ST7: variants seen among roughly 807,000 people sequenced by gnomAD.
The protein encoded by ST7 is suppressor of tumorigenicity 7 protein.
Under a neutral mutation model 78.7 loss-of-function variants are expected in ST7, and 28 were observed. The ratio of observed to expected loss-of-function variants is 0.36; its 90% confidence interval spans 0.26 to 0.49. The LOEUF (loss-of-function observed/expected upper bound fraction) is 0.49, where lower values mean the gene tolerates loss of function less well. Ranked by LOEUF, ST7 falls within the 20% of genes least tolerant of loss-of-function variation. The probability of loss-of-function intolerance (pLI) is 0.99; values close to 1 mark genes in which losing one functional copy is unlikely to be tolerated. For missense variants in ST7, 418 were observed against 696.0 expected (o/e 0.60, Z 4.49); for synonymous variants, 247 against 249.6 (o/e 0.99, Z 0.10).
chr7:117,142,859 C>A (rs1361366012), intron 9 of ST7, among the ~76,000 whole-genome samples: 1 of 152,114 alleles, frequency 6.6e-6, no homozygotes, highest in Non-Finnish European at 1.5e-5. Context: ...ATCCACCTGC[C>A]TCGGCCTCCC....
chr7:117,136,030 T>G (rs555849640), intron 7 of ST7, 51 bp from the exon 8 acceptor site: 1 of 1,596,188 alleles, frequency 6.3e-7, no homozygotes, highest in African/African-American at 1.3e-5. Flanking sequence ...TACAGTCTAT[T>G]ACCATGTCCT....
intron 15 of ST7, among the ~76,000 whole-genome samples, chr7:117,226,899 G>T (rs1457567713): frequency 6.6e-6 from 1 of 152,176 alleles, no homozygotes; most frequent in African/African-American, 2.4e-5. Flanking sequence ...AAGCATTGGG[G>T]CTTCGTATTC....
chr7:117,197,211 A>T (rs1423588474), intron 12 of ST7, among the ~76,000 whole-genome samples: 2 of 152,116 alleles, frequency 1.3e-5, no homozygotes, highest in African/African-American at 4.8e-5. Flanking sequence ...GCTTTTAAAA[A>T]TTTTTAATAG....
chr7:117,167,915 A>T (rs1267950247), intron 9 of ST7, among the ~76,000 whole-genome samples: 1 of 152,116 alleles, frequency 6.6e-6, no homozygotes, highest in Non-Finnish European at 1.5e-5. Flanking sequence ...GCAGATTCAG[A>T]TTGTGGGGAG....
At chr7:117,023,806 G>C (rs955408756) in intron 1 of ST7, among the ~76,000 whole-genome samples, 5 of 147,606 alleles carry the variant, frequency 3.4e-5, no homozygotes, top group African/African-American at 1.2e-4. Context: ...GTGTGTGTGC[G>C]TGTGTGTGTG....
At chr7:116,997,038 G>A (rs111671368) in intron 1 of ST7, among the ~76,000 whole-genome samples, 1,728 of 152,224 alleles carry the variant, frequency 0.011, 28 homozygotes, top group African/African-American at 0.038. Flanking sequence ...CATGGTGAGC[G>A]TTACAGTTCA....
At chr7:117,011,210 C>T (rs1429340457) in intron 1 of ST7, among the ~76,000 whole-genome samples, 2 of 151,958 alleles carry the variant, frequency 1.3e-5, no homozygotes, top group Admixed American at 1.3e-4. Context: ...TGGGGGTCTG[C>T]CTAGAAAGGA....
At chr7:117,107,542 T>A (rs1453796239) in intron 2 of ST7, among the ~76,000 whole-genome samples, 1 of 151,998 alleles carries the variant, frequency 6.6e-6, no homozygotes, top group African/African-American at 2.4e-5. Flanking sequence ...TTTTCATGTT[T>A]ATTGGCCATT....
chr7:117,056,479 T>C (rs1798069619), intron 1 of ST7, among the ~76,000 whole-genome samples: 1 of 151,382 alleles, frequency 6.6e-6, no homozygotes, highest in Non-Finnish European at 1.5e-5. Flanking sequence ...CTAAAAAAAA[T>C]ACAAAATTAG....
At chr7:117,120,537 G>A (rs1803284389) in intron 3 of ST7, among the ~76,000 whole-genome samples, 1 of 152,144 alleles carries the variant, frequency 6.6e-6, no homozygotes, top group Non-Finnish European at 1.5e-5. Context: ...CTGTTTTCTA[G>A]TCACATGAAG....
chr7:116,963,634 T>C (rs1792946477), intron 1 of ST7, among the ~76,000 whole-genome samples: 1 of 136,346 alleles, frequency 7.3e-6, no homozygotes. Flanking sequence ...TTTTTTTTCT[T>C]TTTTTTTTTT....
intron 1 of ST7, among the ~76,000 whole-genome samples, chr7:116,998,135 C>T (rs1794754256): frequency 6.6e-6 from 1 of 152,238 alleles, no homozygotes. Context: ...GTCCTGAGCC[C>T]TGCCCACTGG....
At chr7:117,039,640 T>C (rs950233119) in intron 1 of ST7, among the ~76,000 whole-genome samples, 4 of 152,162 alleles carry the variant, frequency 2.6e-5, no homozygotes, top group African/African-American at 9.7e-5. Context: ...AAGAATGCAC[T>C]AATATCATTT....
chr7:117,227,201 C>T (rs979312072), intron 15 of ST7, among the ~76,000 whole-genome samples: 2 of 152,192 alleles, frequency 1.3e-5, no homozygotes, highest in Admixed American at 1.3e-4. Context: ...GTGTGCATCA[C>T]CCAGAGTACA....
intron 12 of ST7, among the ~76,000 whole-genome samples, chr7:117,207,388 C>T (rs866000164): frequency 2.0e-5 from 3 of 152,152 alleles, no homozygotes; most frequent in Admixed American, 6.5e-5. Flanking sequence ...GTGATCCACC[C>T]GCCACGACCT....
chr7:117,128,795 C>G (rs1804086537), intron 3 of ST7, among the ~76,000 whole-genome samples: 1 of 151,812 alleles, frequency 6.6e-6, no homozygotes, highest in Admixed American at 6.6e-5. Context: ...GGGTAGGATC[C>G]TAATGAATCA....
intron 1 of ST7, among the ~76,000 whole-genome samples, chr7:116,974,695 A>C (rs1290710533): frequency 6.6e-6 from 1 of 152,184 alleles, no homozygotes; most frequent in East Asian, 1.9e-4. Flanking sequence ...ATCATCCTGC[A>C]TTTGTAGGTT....
At chr7:117,155,236 G>A (rs1177079045) in intron 9 of ST7, among the ~76,000 whole-genome samples, 3 of 152,114 alleles carry the variant, frequency 2.0e-5, no homozygotes, top group Non-Finnish European at 4.4e-5. Flanking sequence ...TCCTGAAGCT[G>A]GGAAGAGTTT....
chr7:116,981,547 T>A (rs1334077200), intron 1 of ST7, among the ~76,000 whole-genome samples: 1 of 152,240 alleles, frequency 6.6e-6, no homozygotes, highest in Non-Finnish European at 1.5e-5. Context: ...TTGTGATTAC[T>A]TGACTAAGAT....
Sources: gnomAD v4.1 joint callset for allele counts (sites outside exome capture counted in the v4.1 genomes callset) on GRCh38, gnomAD v4.1.1 for gene constraint, MANE v1.5 for transcripts, NCBI Gene and HGNC (gene_info 2026-07-23, HGNC 2026-07-21) for gene names.